ATF3: variants seen among roughly 807,000 people sequenced by gnomAD.
The protein encoded by ATF3 is activating transcription factor 3.
ATF3 carries 10 observed loss-of-function variants against 18.4 expected under a neutral mutation model. The ratio of observed to expected loss-of-function variants is 0.54; its 90% CI spans 0.34 to 0.92. ATF3 has a LOEUF of 0.92. Among genes scored for constraint, ATF3 ranks in the 40% least tolerant of loss-of-function variants. ATF3 has a pLI of 0.02. For missense variants in ATF3, 183 were observed against 222.3 expected (o/e 0.82, Z 1.12); for synonymous variants, 78 against 87.9 (o/e 0.89, Z 0.63).
Position 212,602,669 on chromosome 1 carries a change from G to A in ATF3, c.-4-12349G>A, listed in dbSNP as rs563351539. Among the ~76,000 whole-genome samples, 56 of 152,064 alleles carry A rather than the reference G, an allele frequency of 3.7e-4. 1 individual carries two copies. The highest frequency in any genetic ancestry group is 9.2e-4 in the Admixed American group (14 of 15,256). ...TCATCTATAAAATGGAGATGTTTAC[G>A]GTCCATCAAAGGGTGGTTACAATAA... On this transcript the variant is annotated intron_variant, in intron 1 of 3. Coordinates refer to the ATF3 transcript ENST00000366981.
intron 1 of ATF3, among the ~76,000 whole-genome samples, chr1:212,594,835 G>A (rs1351415073): frequency 6.6e-6 from 1 of 152,182 alleles, no homozygotes; most frequent in African/African-American, 2.4e-5. Flanking sequence ...ACAGGTCAGG[G>A]GAAAGAAGAG....
At chr1:212,579,453 C>G (rs1664640318) in intron 1 of ATF3, among the ~76,000 whole-genome samples, 1 of 152,106 alleles carries the variant, frequency 6.6e-6, no homozygotes, top group Non-Finnish European at 1.5e-5. Context: ...TAAAATAGTG[C>G]CAACACATGG....
chr1:212,611,282 T>C (rs967426240), intron 1 of ATF3, among the ~76,000 whole-genome samples: 2 of 152,246 alleles, frequency 1.3e-5, no homozygotes, highest in African/African-American at 2.4e-5. Context: ...GACCTGAATG[T>C]CTTGAAGGTT....
chr1:212,568,903 T>C (rs1664431351), intron 1 of ATF3, among the ~76,000 whole-genome samples: 1 of 152,230 alleles, frequency 6.6e-6, no homozygotes, highest in African/African-American at 2.4e-5. Context: ...TGGGTGACTA[T>C]TCCTTAAGGC....
In ATF3 at chr1:212,615,436, C is replaced by T. The variant is rs538470284; in HGVS notation, c.240+175C>T. 1.2e-4 allele frequency among the ~76,000 whole-genome samples: 19 copies of T among 152,196 alleles called. No homozygotes were observed. The South Asian group carries it at 3.9e-3, about 32-fold the overall frequency. On this transcript the variant is annotated intron_variant, in intron 2 of 3. Coordinates refer to ENST00000341491, the MANE Select transcript of ATF3 (RefSeq NM_001674.4). Reference sequence around the variant, plus strand: ...CAGAAGTACATAACATACGTAAGTACACGTTAAGAGATGAGTGCAAAGGAG... The same window carrying T: ...CAGAAGTACATAACATACGTAAGTATACGTTAAGAGATGAGTGCAAAGGAG...
intron 1 of ATF3, among the ~76,000 whole-genome samples, chr1:212,574,976 A>G (rs2102622534): frequency 6.6e-6 from 1 of 152,024 alleles, no homozygotes; most frequent in East Asian, 1.9e-4. Flanking sequence ...GCCCATTCAC[A>G]TGAATTTTAG....
chr1:212,568,434 G>C (rs1373386744), intron 1 of ATF3, among the ~76,000 whole-genome samples: 1 of 152,190 alleles, frequency 6.6e-6, no homozygotes, highest in East Asian at 1.9e-4. Context: ...AGGAGCCCCA[G>C]AGAAAGAGCA....
intron 1 of ATF3, among the ~76,000 whole-genome samples, chr1:212,598,783 G>T (rs1262660880): frequency 6.6e-6 from 1 of 152,198 alleles, no homozygotes; most frequent in East Asian, 1.9e-4. Flanking sequence ...TGTTGCAAAT[G>T]ACAGTATCTC....
At chr1:212,568,567 T>G (rs781380145) in intron 1 of ATF3, among the ~76,000 whole-genome samples, 20 of 152,208 alleles carry the variant, frequency 1.3e-4, no homozygotes, top group Non-Finnish European at 2.5e-4. Context: ...CTTCAAGTAG[T>G]AAATTTAAGC....
intron 1 of ATF3, among the ~76,000 whole-genome samples, chr1:212,587,036 A>G (rs939878764): frequency 6.6e-6 from 1 of 152,222 alleles, no homozygotes; most frequent in African/African-American, 2.4e-5. Flanking sequence ...GAACATTTTC[A>G]CCAACTCTGA....
chr1:212,600,143 G>GCCTCACCTGA (rs563178960), intron 1 of ATF3, among the ~76,000 whole-genome samples: 29 of 152,290 alleles, frequency 1.9e-4, no homozygotes, highest in African/African-American at 6.5e-4. Flanking sequence ...GCCTCCGATG[G>GCCTCACCTGA]CCTCACCTGA....
At chr1:212,584,711 A>T (rs983157496) in intron 1 of ATF3, among the ~76,000 whole-genome samples, 1 of 152,242 alleles carries the variant, frequency 6.6e-6, no homozygotes, top group Non-Finnish European at 1.5e-5. Context: ...CCCATGGCCC[A>T]GTCAAGCTGA....
In ATF3 at chr1:212,618,948, T is replaced by A. The variant is rs1487068499; in HGVS notation, c.349-410T>A. ...GATCAGTGAAAATTAGGGAATTTTG[T>A]GTGTTGCTATATACATTTTTTCTGG... On this transcript the variant is annotated intron_variant, in intron 3 of 3. Coordinates refer to ENST00000341491, the MANE Select transcript of ATF3 (RefSeq NM_001674.4). This position sits in a 1 kb window ranked among gnomAD's most constrained non-coding sequence, Gnocchi z 4.4. 3 of 1,485,292 alleles carry A rather than the reference T, an allele frequency of 2.0e-6. No homozygotes were observed. In the Admixed American group the frequency reaches 5.1e-5, roughly 25 times the overall value. The allele number at this position is 1,485,292 out of a possible 1,614,324, so 92.0% of individuals were successfully genotyped here.
upstream of ATF3, among the ~76,000 whole-genome samples, chr1:212,605,726 C>T (rs1160905402): frequency 6.6e-6 from 1 of 152,252 alleles, no homozygotes; most frequent in African/African-American, 2.4e-5. Context: ...TCCTTCCCCT[C>T]CCCTTTTAAT....
At position 212,618,392 on chromosome 1, in the gene ATF3, A is replaced by G; in HGVS notation, c.348+158A>G. The G allele has an allele frequency of 1.3e-6, 1 of 778,858 alleles. No homozygotes were observed. Among genetic ancestry groups the G allele is most frequent in the Non-Finnish European group, 2.3e-6 (1 of 436,934 alleles). The allele number at this position is 778,858 out of a possible 1,614,324, so 48.2% of individuals were successfully genotyped here. On this transcript the variant is annotated intron_variant, in intron 3 of 3. Transcript: ENST00000341491. The surrounding 1 kb of genome is among the most constrained non-coding windows in gnomAD (Gnocchi z 4.4). ...CAGAAATGCCAGTTGCAGAATGAGG[A>G]GGTGGCAAAGCAGTTAACACAATGG...
intron 1 of ATF3, among the ~76,000 whole-genome samples, chr1:212,580,400 C>T (rs973541946): frequency 5.3e-5 from 8 of 151,612 alleles, no homozygotes; most frequent in Non-Finnish European, 1.2e-4. Flanking sequence ...CTGCAACCTC[C>T]GCCTCCCAGG....
chr1:212,605,370 G>T (rs1332020396), upstream of ATF3, among the ~76,000 whole-genome samples: 1 of 152,188 alleles, frequency 6.6e-6, no homozygotes, highest in Non-Finnish European at 1.5e-5. Flanking sequence ...TTTGTAGAAA[G>T]AGTGAGCTTC....
chr1:212,566,946 G>T (rs1664392827), intron 1 of ATF3, among the ~76,000 whole-genome samples: 1 of 152,160 alleles, frequency 6.6e-6, no homozygotes, highest in Admixed American at 6.5e-5. Flanking sequence ...ATCTCTGAGG[G>T]AAAGTCACAG....
chr1:212,595,912 G>A (rs879481928), intron 1 of ATF3, among the ~76,000 whole-genome samples: 6 of 152,170 alleles, frequency 3.9e-5, no homozygotes, highest in Admixed American at 6.5e-5. Flanking sequence ...AAGATATAAT[G>A]AAACAGCAGT....
Sources: allele counts gnomAD v4.1 joint callset (sites outside exome capture counted in the v4.1 genomes callset), GRCh38; gene constraint gnomAD v4.1.1; non-coding constraint Gnocchi (gnomAD v3.1); transcripts MANE v1.5; gene names NCBI Gene and HGNC (gene_info 2026-07-23, HGNC 2026-07-21).